The following GALNT12 variants were observed in gnomAD, a reference collection of about 807,000 sequenced individuals.
GALNT12 encodes the protein polypeptide N-acetylgalactosaminyltransferase 12.
In GALNT12, 45 loss-of-function variants were observed where a neutral mutation model predicts 55.5. The ratio of observed to expected loss-of-function variants is 0.81; its 90% CI spans 0.64 to 1.04. The LOEUF is 1.04. GALNT12 is among the 50% of genes least tolerant of loss of function. GALNT12 has a pLI of 0.00. For synonymous variants in GALNT12, 304 were observed against 312.2 expected, an observed-to-expected ratio of 0.97 and a Z score of 0.28; for missense variants, 709 against 754.8, an observed-to-expected ratio of 0.94 and a Z score of 0.71.
rs2118354733 is a variant in GALNT12, at chr9:98,823,291, C to T, written c.407C>T (p.Pro136Leu). Reference protein sequence around the residue: ...KEKKYDYDNLPRTSVIIAFYN... With the variant: ...KEKKYDYDNLLRTSVIIAFYN... ...AAGAAATATGATTATGATAATTTGC[C>T]CAGGACATCTGTTATCATAGCATTT... The change falls in exon 2 of 10, where the codon CCC becomes CTC. Residue 136 changes from proline to leucine, a missense_variant. By Grantham distance (98) the Pro-to-Leu change is moderately conservative. Coordinates refer to ENST00000375011, the MANE Select transcript of GALNT12 (RefSeq NM_024642.5). The T allele has an allele frequency of 2.5e-6, 4 of 1,614,088 alleles. No homozygotes were observed. The highest frequency in any genetic ancestry group is 3.4e-6 in the Non-Finnish European group (4 of 1,179,942).
intron 1 of GALNT12, among the ~76,000 whole-genome samples, chr9:98,821,062 A>T (rs1364074034): frequency 6.6e-6 from 1 of 152,192 alleles, no homozygotes; most frequent in East Asian, 1.9e-4. Flanking sequence ...AATCAAGAGT[A>T]CAGTGGCACG....
At chr9:98,844,346 A>G in intron 8 of GALNT12, 137 bp downstream of exon 8, 1 of 673,758 alleles carries the variant, frequency 1.5e-6, no homozygotes, top group South Asian at 1.7e-5. Flanking sequence ...CAGAGAGACC[A>G]CTGTTAAAAT....
In GALNT12 at chr9:98,849,181, AC is replaced by A; in HGVS notation, c.*91del. The A allele has an allele frequency of 7.3e-7, 1 of 1,362,472 alleles. No individual in the cohort carries two copies. Among genetic ancestry groups the A allele is most frequent in the African/African-American group, 1.4e-5 (1 of 69,962 alleles). The allele number at this position is 1,362,472 out of a possible 1,614,324, so 84.4% of individuals were successfully genotyped here. A position where few individuals can be genotyped will look rare whatever the true frequency, so the allele number is the denominator to read the frequency against. On this transcript the variant is annotated 3_prime_UTR_variant, in exon 10 of 10. Transcript: ENST00000375011. ...CTTAGCTAAGCAGTGACCAGAACCC[AC>A]CAAAAACTAGGCTGCATTGCTTTGA...
intron 4 of GALNT12, among the ~76,000 whole-genome samples, chr9:98,832,606 T>C (rs530355924): frequency 6.6e-6 from 1 of 152,284 alleles, no homozygotes; most frequent in South Asian, 2.1e-4. Context: ...TCTTTACCTA[T>C]TTCCAGGAAT....
chr9:98,847,811 CTTT>C (rs754967420), intron 9 of GALNT12, among the ~76,000 whole-genome samples: 15 of 123,052 alleles, frequency 1.2e-4, no homozygotes, highest in East Asian at 2.3e-4. Context: ...AGGGCTGGAT[CTTT>C]TTTTTTTTTT....
rs776520276 is a variant in GALNT12, at chr9:98,839,999, C to T, written c.1213-3C>T. 1.9e-6 allele frequency: 3 copies of T among 1,613,956 alleles called. No individual in the cohort carries two copies. In the East Asian group the frequency reaches 6.7e-5, roughly 36 times the overall value. ...GGGTCTCACTGTTTTGTTGTTTTCTCAGGAACCTTTTGGGGATGTGACAGA... is the reference window on the plus strand; with the variant it reads ...GGGTCTCACTGTTTTGTTGTTTTCTTAGGAACCTTTTGGGGATGTGACAGA... On this transcript the variant is annotated splice_region_variant and splice_polypyrimidine_tract_variant and intron_variant, in intron 6 of 9. Coordinates refer to ENST00000375011, the MANE Select transcript of GALNT12 (RefSeq NM_024642.5).
intron 6 of GALNT12, among the ~76,000 whole-genome samples, chr9:98,838,243 C>G (rs1011129941): frequency 6.6e-6 from 1 of 152,184 alleles, no homozygotes. Context: ...TGGAGAGTGG[C>G]CCAGGCCCCC....
Position 98,807,839 on chromosome 9 carries a change from T to TGCCGAGCCGGGACC in GALNT12, c.142_155dup (p.Arg54SerfsTer94). 1 of 1,012,520 alleles carries TGCCGAGCCGGGACC rather than the reference T, an allele frequency of 9.9e-7. No homozygotes were observed. The highest frequency in any genetic ancestry group is 1.2e-6 in the Non-Finnish European group (1 of 849,992). 62.7% of individuals were successfully genotyped at this position (1,012,520 alleles called of 1,614,324 possible). On this transcript the variant is annotated frameshift_variant, in exon 1 of 10. Transcript: ENST00000375011. LOFTEE classifies it high-confidence loss of function. ...CGCAGCGTGGGGCCGGGGCCGGGGC[T>TGCCGAGCCGGGACC]GCCGAGCCGGGACCCCCGCGCACCC...
chr9:98,807,806 G>T lies in GALNT12; in HGVS notation c.108G>T (p.Val36=), dbSNP rs751321724. 1.9e-5 allele frequency: 20 copies of T among 1,075,252 alleles called. No individual in the cohort carries two copies. The South Asian group carries it at 8.1e-4, about 43-fold the overall frequency. 66.6% of individuals were successfully genotyped at this position (1,075,252 alleles called of 1,614,324 possible). A position where few individuals can be genotyped will look rare whatever the true frequency, so the allele number is the denominator to read the frequency against. The change falls in exon 1 of 10, where the codon GTG becomes GTT. Residue 36 remains valine, a synonymous_variant. Coordinates refer to ENST00000375011, the MANE Select transcript of GALNT12 (RefSeq NM_024642.5). ...TGGCGTTGGCCGGGCTGGGCTCGGT[G>T]CTGCGGGCGCAGCGTGGGGCCGGGG... is the stretch of plus-strand genomic sequence containing the variant. The part of the protein sequence containing the change: ...ALLALAGLGS[V]LRAQRGAGAG...
chr9:98,807,975 C>A lies in GALNT12; in HGVS notation c.277C>A (p.Leu93Met). Reference protein sequence around the residue: ...RLQLQGEELRLQEESVRLHQI... With the variant: ...RLQLQGEELRMQEESVRLHQI... ...GCAGCTGCAGGGCGAGGAGCTGCGG[C>A]TGCAGGAGGAGAGCGTGCGGCTGCA... Residue 93 changes from leucine to methionine, a missense_variant, in exon 1 of 10, where the codon CTG becomes ATG. By Grantham distance (15) the Leu-to-Met change is conservative. This residue lies in a region of GALNT12 where 315 missense variants were observed against 288.6 expected (regional missense o/e 1.09). Transcript: ENST00000375011. 6.7e-7 allele frequency: 1 copy of A among 1,486,150 alleles called. No homozygotes were observed. Among genetic ancestry groups the A allele is most frequent in the South Asian group, 1.3e-5 (1 of 77,658 alleles). 92.1% of individuals were successfully genotyped at this position (1,486,150 alleles called of 1,614,324 possible). A position where few individuals can be genotyped will look rare whatever the true frequency, so the allele number is the denominator to read the frequency against.
Position 98,808,170 on chromosome 9 carries a change from G to A in GALNT12, c.371+101G>A, listed in dbSNP as rs540680307. ...GGCGGGGAGCTGGGGTCTCCAGGAT[G>A]GCGCGTCTTATTGAGTCTTTCTCCG... On this transcript the variant is annotated intron_variant, in intron 1 of 9. Transcript: ENST00000375011. The A allele has an allele frequency of 1.2e-4, 111 of 930,974 alleles. 1 individual carries two copies. In the African/African-American group the frequency reaches 1.7e-3, roughly 14 times the overall value. The allele number at this position is 930,974 out of a possible 1,614,324, so 57.7% of individuals were successfully genotyped here. A position where few individuals can be genotyped will look rare whatever the true frequency, so the allele number is the denominator to read the frequency against.
intron 1 of GALNT12, 137 bp downstream of exon 1, chr9:98,808,206 T>G: frequency 1.5e-6 from 1 of 646,890 alleles, no homozygotes; most frequent in South Asian, 2.1e-5. Flanking sequence ...AAGACGATAG[T>G]GTAAGAGCTC....
chr9:98,847,358 T>C (rs1215608628), intron 9 of GALNT12: 2 of 152,136 alleles, frequency 1.3e-5, no homozygotes, highest in African/African-American at 4.8e-5. Context: ...GTGTTACCTA[T>C]TGAATACAGG....
chr9:98,847,173 T>C (rs1836440571), intron 9 of GALNT12: 2 of 152,204 alleles, frequency 1.3e-5, no homozygotes, highest in South Asian at 4.1e-4. Context: ...AGAAAATCAT[T>C]TGAAAGAAAA....
intron 1 of GALNT12, among the ~76,000 whole-genome samples, chr9:98,813,240 G>A (rs1038266602): frequency 2.0e-5 from 3 of 152,154 alleles, no homozygotes; most frequent in Non-Finnish European, 4.4e-5. Context: ...TTCTACATTG[G>A]TAGTTTGACA....
chr9:98,824,063 C>G (rs1835808631), intron 2 of GALNT12, among the ~76,000 whole-genome samples: 1 of 152,210 alleles, frequency 6.6e-6, no homozygotes, highest in African/African-American at 2.4e-5. Context: ...CAGCCTGTCT[C>G]AAAGGGAAGC....
At chr9:98,839,657 G>C (rs1347974256) in intron 6 of GALNT12, among the ~76,000 whole-genome samples, 1 of 152,174 alleles carries the variant, frequency 6.6e-6, no homozygotes, top group East Asian at 1.9e-4. Context: ...CTGATCACAA[G>C]CATGGGTCAC....
At chr9:98,828,094 C>G (rs531950527) in intron 3 of GALNT12, among the ~76,000 whole-genome samples, 1 of 152,226 alleles carries the variant, frequency 6.6e-6, no homozygotes, top group African/African-American at 2.4e-5. Context: ...TGCTTGGCCT[C>G]CCCGCTGTGG....
chr9:98,848,021 C>T (rs926696244), intron 9 of GALNT12, among the ~76,000 whole-genome samples: 5 of 152,052 alleles, frequency 3.3e-5, no homozygotes, highest in Non-Finnish European at 1.5e-5. Flanking sequence ...GCCATGTTGG[C>T]CAGGCTGGTC....
Sources: allele counts gnomAD v4.1 joint callset (sites outside exome capture counted in the v4.1 genomes callset), GRCh38; gene constraint gnomAD v4.1.1; regional missense constraint gnomAD v4.1.1; transcripts MANE v1.5; gene names NCBI Gene and HGNC (gene_info 2026-07-23, HGNC 2026-07-21).